Variants in RORC observed in about 807,000 individuals in gnomAD.
RORC encodes the protein nuclear receptor ROR-gamma.
RORC carries 13 observed loss-of-function variants against 64.5 expected under a neutral mutation model. The ratio of observed to expected loss-of-function variants is 0.20; its 90% CI spans 0.13 to 0.32. RORC has a LOEUF of 0.32. RORC is among the 10% of genes least tolerant of loss of function. The pLI is 1.00. For synonymous variants in RORC, 277 were observed against 259.3 expected (o/e 1.07, Z -0.65); for missense variants, 468 against 669.5 (o/e 0.70, Z 3.32).
chr1:151,829,581 A>G (rs1457104942), intron 1 of RORC, 123 bp from the exon 2 acceptor site: 1 of 883,614 alleles, frequency 1.1e-6, no homozygotes, highest in Non-Finnish European at 1.7e-6. Flanking sequence ...TCTGAAGGGC[A>G]GGCAGGCCAC....
intron 2 of RORC, among the ~76,000 whole-genome samples, chr1:151,819,982 C>A (rs1438236135): frequency 3.3e-5 from 5 of 152,118 alleles, no homozygotes; most frequent in Non-Finnish European, 7.4e-5. Flanking sequence ...CTGGAGAGAC[C>A]AAGAGGTTTG....
At chr1:151,816,512 A>G in intron 4 of RORC, 152 bp downstream of exon 4, 1 of 783,792 alleles carries the variant, frequency 1.3e-6, no homozygotes, top group Non-Finnish European at 1.9e-6. Flanking sequence ...CCATCCCTGG[A>G]GGGGAGGAGA....
intron 2 of RORC, among the ~76,000 whole-genome samples, chr1:151,821,683 G>C (rs2101668316): frequency 6.6e-6 from 1 of 152,314 alleles, no homozygotes. Context: ...TCTGCAGCCA[G>C]TGCCCTCAAG....
intron 1 of RORC, 74 bp downstream of exon 1, chr1:151,831,651 C>T: frequency 1.2e-6 from 2 of 1,607,832 alleles, no homozygotes; most frequent in Non-Finnish European, 8.5e-7. Context: ...CTTGCCCAGT[C>T]TCTTGCCATT....
intron 1 of RORC, 69 bp downstream of exon 1, chr1:151,831,656 G>A: frequency 1.9e-6 from 3 of 1,607,902 alleles, no homozygotes; most frequent in Non-Finnish European, 2.5e-6. Context: ...CCAGTCTCTT[G>A]CCATTTCTGC....
intron 2 of RORC, among the ~76,000 whole-genome samples, chr1:151,828,768 CAA>C (rs1355573605): frequency 6.6e-6 from 1 of 152,092 alleles, no homozygotes; most frequent in Non-Finnish European, 1.5e-5. Context: ...ATCACAAGGT[CAA>C]GAGTCTGAGA....
Position 151,813,540 on chromosome 1 carries a change from G to C in RORC, c.1014C>G (p.Leu338=), listed in dbSNP as rs1001402492. 1.2e-6 allele frequency: 2 copies of C among 1,614,054 alleles called. No homozygotes were observed. The highest frequency in any genetic ancestry group is 2.2e-5 in the East Asian group (1 of 44,884). Residue 338 remains leucine (L), a synonymous_variant, in exon 7 of 11, where the codon CTC becomes CTG. Coordinates refer to ENST00000318247, the MANE Select transcript of RORC (RefSeq NM_005060.4). Reference sequence around the variant, plus strand: ...TCTGGCAGAGCTCCATAAAGCCTGAGAGCCTCTTGGCGAACTCCACCACGT... The same window carrying C: ...TCTGGCAGAGCTCCATAAAGCCTGACAGCCTCTTGGCGAACTCCACCACGT... The part of the protein sequence containing the change: ...IQYVVEFAKR[L]SGFMELCQND...
chr1:151,826,170 G>A (rs961724802), intron 2 of RORC: 15 of 1,134,390 alleles, frequency 1.3e-5, no homozygotes, highest in Non-Finnish European at 1.5e-5. Context: ...GGTGCAGTGA[G>A]TAGGATGACA....
At position 151,807,313 on chromosome 1, in the gene RORC, C is replaced by A; in HGVS notation, c.*159G>T. 4.6e-6 allele frequency: 3 copies of A among 654,286 alleles called. No homozygotes were observed. The South Asian group carries it at 6.8e-5, about 15-fold the overall frequency. 40.5% of individuals were successfully genotyped at this position (654,286 alleles called of 1,614,324 possible). On this transcript the variant is annotated 3_prime_UTR_variant, in exon 11 of 11. Transcript: ENST00000318247. This position sits in a 1 kb window ranked among gnomAD's most constrained non-coding sequence, Gnocchi z 5.0. Reference sequence around the variant, plus strand: ...GCGATTGTCCCACTGCCAGGCCGGCCTGCTGACAGAAAGCCAGCCGCAGCA... The same window carrying A: ...GCGATTGTCCCACTGCCAGGCCGGCATGCTGACAGAAAGCCAGCCGCAGCA...
Position 151,829,512 on chromosome 1 carries a change from G to C in RORC, c.41-54C>G, listed in dbSNP as rs139064056. 1.9e-5 allele frequency: 27 copies of C among 1,435,004 alleles called. No homozygotes were observed. The Admixed American group carries it at 3.4e-4, about 18-fold the overall frequency. The allele number at this position is 1,435,004 out of a possible 1,614,324, so 88.9% of individuals were successfully genotyped here. A position where few individuals can be genotyped will look rare whatever the true frequency, so the allele number is the denominator to read the frequency against. ...CAAAGGTTGAAGATCATGAGGGGCTGAGACACTTTCCCCACTCCTAGGATC... is the reference window on the plus strand; with the variant it reads ...CAAAGGTTGAAGATCATGAGGGGCTCAGACACTTTCCCCACTCCTAGGATC... On this transcript the variant is annotated intron_variant, in intron 1 of 10. Coordinates refer to ENST00000318247, the MANE Select transcript of RORC (RefSeq NM_005060.4).
chr1:151,829,493 T>C lies in RORC; in HGVS notation c.41-35A>G, dbSNP rs150742946. On this transcript the variant is annotated intron_variant, in intron 1 of 10. Transcript: ENST00000318247. ...CAAGAGAGGGGGTTGACGTCAAAGG[T>C]TGAAGATCATGAGGGGCTGAGACAC... The C allele has an allele frequency of 9.5e-5, 142 of 1,497,238 alleles. No individual in the cohort carries two copies. In the African/African-American group the frequency reaches 1.9e-3, roughly 20 times the overall value. The allele number at this position is 1,497,238 out of a possible 1,614,324, so 92.7% of individuals were successfully genotyped here. A position where few individuals can be genotyped will look rare whatever the true frequency, so the allele number is the denominator to read the frequency against.
rs1651608986 is a variant in RORC at position 151,813,233 on chromosome 1, C to T, written c.1174+6G>A. On this transcript the variant is annotated splice_donor_region_variant and intron_variant, in intron 8 of 10. Coordinates refer to ENST00000318247, the MANE Select transcript of RORC (RefSeq NM_005060.4). ...ATCTTCCCTCTCATTTCTCCCTGCC[C>T]CTCACCCAAGGCTCGGAACAGCTCC... The T allele has an allele frequency of 1.2e-6, 2 of 1,611,822 alleles. No homozygotes were observed. The highest frequency in any genetic ancestry group is 2.2e-5 in the East Asian group (1 of 44,874).
At chr1:151,813,086 A>C (rs761521624) in intron 8 of RORC, 29 bp from the exon 9 acceptor site, 1 of 1,566,856 alleles carries the variant, frequency 6.4e-7, no homozygotes, top group South Asian at 1.1e-5. Context: ...GAAAAGTGAG[A>C]GAGTGGCTGG....
intron 2 of RORC, among the ~76,000 whole-genome samples, chr1:151,825,051 TC>T (rs11367213): frequency 0.11 from 16,772 of 152,168 alleles, 1,317 homozygotes; most frequent in Admixed American, 0.22. Flanking sequence ...TTCCCTGGCT[TC>T]CCTTCACAAC....
chr1:151,826,350 A>T lies in RORC; in HGVS notation c.70+3079T>A, dbSNP rs370846501. On this transcript the variant is annotated intron_variant, in intron 2 of 10. Coordinates refer to ENST00000318247, the MANE Select transcript of RORC (RefSeq NM_005060.4). Reference sequence around the variant, plus strand: ...GGGGAGCCAGAATGGAGCTCACACGAGCCTGAAGCCAAATTTCTACTCCTC... The same window carrying T: ...GGGGAGCCAGAATGGAGCTCACACGTGCCTGAAGCCAAATTTCTACTCCTC... Among the ~76,000 whole-genome samples the T allele has an allele frequency of 1.9e-3, 293 of 152,276 alleles. 3 individuals carry two copies. Among genetic ancestry groups the T allele is most frequent in the South Asian group, 8.3e-3 (40 of 4,826 alleles).
chr1:151,813,206 G>A, intron 8 of RORC, 33 bp downstream of exon 8: 2 of 1,589,830 alleles, frequency 1.3e-6, no homozygotes, highest in African/African-American at 2.7e-5. Context: ...GTTGGCATCA[G>A]AATCTTCCCT....
chr1:151,821,906 C>T (rs909326421), intron 2 of RORC, among the ~76,000 whole-genome samples: 1 of 152,144 alleles, frequency 6.6e-6, no homozygotes, highest in African/African-American at 2.4e-5. Context: ...CCAACTCTTC[C>T]TCTGAGGTCC....
chr1:151,818,124 C>T (rs1170192938), intron 2 of RORC, among the ~76,000 whole-genome samples: 7 of 152,186 alleles, frequency 4.6e-5, no homozygotes, highest in Non-Finnish European at 7.3e-5. Context: ...TGAGGCAAAG[C>T]GGTTGGGCCA....
chr1:151,807,699 C>T lies in RORC; in HGVS notation c.1396-66G>A. The T allele has an allele frequency of 6.4e-7, 1 of 1,554,012 alleles. No homozygotes were observed. Among genetic ancestry groups the T allele is most frequent in the South Asian group, 1.2e-5 (1 of 85,674 alleles). Reference sequence around the variant, plus strand: ...GCTCTCCTCAGAGCAAAGAAGTCCGCTCATTCTTCCTGGGCTAGGACAAAC... The same window carrying T: ...GCTCTCCTCAGAGCAAAGAAGTCCGTTCATTCTTCCTGGGCTAGGACAAAC... On this transcript the variant is annotated intron_variant, in intron 10 of 10. Coordinates refer to ENST00000318247, the MANE Select transcript of RORC (RefSeq NM_005060.4). The surrounding 1 kb of genome is among the most constrained non-coding windows in gnomAD (Gnocchi z 5.0).
Sources: allele counts gnomAD v4.1 joint callset (sites outside exome capture counted in the v4.1 genomes callset), GRCh38; gene constraint gnomAD v4.1.1; non-coding constraint Gnocchi (gnomAD v3.1); transcripts MANE v1.5; gene names NCBI Gene and HGNC (gene_info 2026-07-23, HGNC 2026-07-21).